Variants in OR51B5 observed in about 807,000 individuals in gnomAD.
OR51B5 encodes olfactory receptor family 51 subfamily B member 5.
For synonymous variants in OR51B5, 186 were observed against 144.8 expected (o/e 1.28, Z -2.04); for missense variants, 456 against 374.6 (o/e 1.22, Z -1.79).
rs2133728398 is a variant in OR51B5 at position 5,389,787 on chromosome 11, T to C, written n.85-42877A>G. The C allele has an allele frequency of 3.7e-6, 6 of 1,614,042 alleles. No homozygotes were observed. The East Asian group carries it at 1.1e-4, about 30-fold the overall frequency. ...ATGGAGTCCTCAGTGCTCCTCATGA[T>C]GTCCTTTGACCGCCTTGTGGCCATC... On this transcript the variant is annotated intron_variant and non_coding_transcript_variant, in intron 1 of 4. Coordinates refer to the OR51B5 transcript ENST00000415970.
intron 1 of OR51B5, among the ~76,000 whole-genome samples, chr11:5,464,939 G>C (rs1400836817): frequency 6.6e-6 from 1 of 152,150 alleles, no homozygotes; most frequent in Middle Eastern, 3.2e-3. Context: ...GGGCGCGGTG[G>C]CTCACGCCTG....
chr11:5,462,438 C>T (rs1171192134), intron 1 of OR51B5, among the ~76,000 whole-genome samples: 2 of 152,154 alleles, frequency 1.3e-5, no homozygotes, highest in South Asian at 2.1e-4. Flanking sequence ...GACCATCAGC[C>T]TCATTTTCTG....
chr11:5,466,938 T>C lies in OR51B5; in HGVS notation n.84+38631A>G, dbSNP rs571227414. Reference sequence around the variant, plus strand: ...TCTTGTGTCTGCTTTCTCTAAGCCCTTTCCTCTACGATCAGAGCCTTCTTT... The same window carrying C: ...TCTTGTGTCTGCTTTCTCTAAGCCCCTTCCTCTACGATCAGAGCCTTCTTT... On this transcript the variant is annotated intron_variant and non_coding_transcript_variant, in intron 1 of 4. Transcript: ENST00000415970. Among the ~76,000 whole-genome samples the C allele has an allele frequency of 5.3e-5, 8 of 152,368 alleles. No individual in the cohort carries two copies. The South Asian group carries it at 1.4e-3, about 28-fold the overall frequency.
At chr11:5,409,834 G>A (rs1850117054) in intron 1 of OR51B5, among the ~76,000 whole-genome samples, 2 of 152,220 alleles carry the variant, frequency 1.3e-5, no homozygotes, top group South Asian at 4.1e-4. Flanking sequence ...TGAAAGCCCT[G>A]AATAAGCATA....
chr11:5,348,019 C>T (rs1849019633), upstream of OR51B5, among the ~76,000 whole-genome samples: 1 of 151,204 alleles, frequency 6.6e-6, no homozygotes, highest in African/African-American at 2.4e-5. Flanking sequence ...AATGAATCTC[C>T]TCTGTAAGAT....
At chr11:5,383,103 T>TC (rs1472618697) in intron 1 of OR51B5, among the ~76,000 whole-genome samples, 8 of 151,800 alleles carry the variant, frequency 5.3e-5, no homozygotes, top group Non-Finnish European at 8.8e-5. Context: ...TTTTTTTTTT[T>TC]CTAAATGTTG....
intron 1 of OR51B5, chr11:5,390,165 C>T (rs9783355): frequency 3.1e-6 from 5 of 1,613,590 alleles, no homozygotes; most frequent in East Asian, 2.2e-5. Flanking sequence ...TGCACCGCTC[C>T]TCTCTGTGCT....
chr11:5,367,936 C>A (rs190448301), intron 1 of OR51B5, among the ~76,000 whole-genome samples: 1 of 152,118 alleles, frequency 6.6e-6, no homozygotes, highest in Non-Finnish European at 1.5e-5. Context: ...ATTTTCCTAT[C>A]CTTACTCAGC....
At chr11:5,465,137 C>T (rs36193304) in intron 1 of OR51B5, among the ~76,000 whole-genome samples, 61,142 of 133,522 alleles carry the variant, frequency 0.46, 14,183 homozygotes, top group Non-Finnish European at 0.52. Context: ...ACCCGGGAGG[C>T]GGAGCTTGCA....
chr11:5,442,503 A>G (rs1372720557), intron 1 of OR51B5, among the ~76,000 whole-genome samples: 6 of 152,096 alleles, frequency 3.9e-5, no homozygotes, highest in Non-Finnish European at 8.8e-5. Context: ...CCTTCAGACA[A>G]TAAGTATGTG....
At chr11:5,498,043 T>C (rs1208922139) in intron 1 of OR51B5, among the ~76,000 whole-genome samples, 1 of 152,226 alleles carries the variant, frequency 6.6e-6, no homozygotes. Flanking sequence ...CTGCCCATTA[T>C]GTTTTGGGTT....
At chr11:5,389,701 C>T (rs1225039025) in intron 1 of OR51B5, 2 of 1,613,790 alleles carry the variant, frequency 1.2e-6, no homozygotes, top group Non-Finnish European at 1.7e-6. Flanking sequence ...GGTTTAACTC[C>T]CATAGTATCT....
chr11:5,472,535 C>G (rs1590017020), intron 1 of OR51B5, among the ~76,000 whole-genome samples: 1 of 152,210 alleles, frequency 6.6e-6, no homozygotes, highest in Non-Finnish European at 1.5e-5. Flanking sequence ...TCTTCAGAGT[C>G]CCCTGGTTCT....
intron 1 of OR51B5, among the ~76,000 whole-genome samples, chr11:5,490,979 T>C (rs1466118544): frequency 6.6e-6 from 1 of 152,278 alleles, no homozygotes. Flanking sequence ...ATTTATTTGC[T>C]TTTGAATTGA....
intron 1 of OR51B5, among the ~76,000 whole-genome samples, chr11:5,356,077 C>A (rs1393465618): frequency 1.3e-5 from 2 of 152,098 alleles, no homozygotes; most frequent in African/African-American, 4.8e-5. Flanking sequence ...GCCTCTCCTC[C>A]TCCAAAGGAA....
chr11:5,357,400 G>C (rs1315423241), intron 1 of OR51B5, among the ~76,000 whole-genome samples: 1 of 150,928 alleles, frequency 6.6e-6, no homozygotes, highest in Non-Finnish European at 1.5e-5. Context: ...TAATGGTAAA[G>C]GGATCAATTC....
intron 1 of OR51B5, among the ~76,000 whole-genome samples, chr11:5,412,181 CCTT>C (rs1482904979): frequency 6.6e-6 from 1 of 152,158 alleles, no homozygotes; most frequent in Non-Finnish European, 1.5e-5. Context: ...ATATGGTAGT[CCTT>C]CTGATATGCA....
chr11:5,495,891 TA>T (rs1229719378), intron 1 of OR51B5, among the ~76,000 whole-genome samples: 15 of 152,202 alleles, frequency 9.9e-5, no homozygotes, highest in Admixed American at 9.8e-4. Context: ...ATAGAAAAGT[TA>T]TTCTCCATAA....
At chr11:5,491,895 C>A (rs1851586065) in intron 1 of OR51B5, among the ~76,000 whole-genome samples, 1 of 152,214 alleles carries the variant, frequency 6.6e-6, no homozygotes. Context: ...ATCATTTAGA[C>A]TGCTGCATGA....
Sources: allele counts gnomAD v4.1 joint callset (sites outside exome capture counted in the v4.1 genomes callset), GRCh38; gene constraint gnomAD v4.1.1; transcripts MANE v1.5; gene names NCBI Gene and HGNC (gene_info 2026-07-23, HGNC 2026-07-21).